Variants in ZNF385D observed in about 807,000 individuals in gnomAD.
ZNF385D encodes zinc finger protein 385D.
In ZNF385D, 15 loss-of-function variants were observed where a neutral mutation model predicts 35.8. The ratio of observed to expected loss-of-function variants is 0.42; its 90% CI spans 0.28 to 0.64. The LOEUF (loss-of-function observed/expected upper bound fraction) is 0.64. ZNF385D is among the 30% of genes least tolerant of loss of function. The probability of loss-of-function intolerance (pLI) is 0.23; values close to 1 mark genes in which losing one functional copy is unlikely to be tolerated. For synonymous variants in ZNF385D, 212 were observed against 186.8 expected (o/e 1.13, Z -1.10); for missense variants, 474 against 494.6 (o/e 0.96, Z 0.39).
chr3:21,543,699 C>T (rs1015248080), intron 3 of ZNF385D, among the ~76,000 whole-genome samples: 1 of 152,200 alleles, frequency 6.6e-6, no homozygotes, highest in Non-Finnish European at 1.5e-5. Flanking sequence ...TTTCTTTCCC[C>T]TTCTGTGTCC....
intron 3 of ZNF385D, among the ~76,000 whole-genome samples, chr3:22,078,166 T>C (rs531742230): frequency 7.9e-5 from 12 of 152,032 alleles, no homozygotes; most frequent in Non-Finnish European, 1.3e-4. Flanking sequence ...AAACTGGATA[T>C]GCAATGTTCA....
At chr3:21,771,768 T>C (rs1297424526) in intron 3 of ZNF385D, among the ~76,000 whole-genome samples, 3 of 151,732 alleles carry the variant, frequency 2.0e-5, no homozygotes, top group East Asian at 1.9e-4. Context: ...AGACCATAAA[T>C]AGCAAATACA....
chr3:21,865,439 A>G (rs73040507), intron 3 of ZNF385D, among the ~76,000 whole-genome samples: 10,611 of 152,160 alleles, frequency 0.07, 551 homozygotes, highest in East Asian at 0.21. Context: ...CCATATTATT[A>G]TTAAGGCATT....
chr3:21,661,767 C>T (rs1328489503), intron 2 of ZNF385D, among the ~76,000 whole-genome samples: 1 of 152,070 alleles, frequency 6.6e-6, no homozygotes, highest in Non-Finnish European at 1.5e-5. Context: ...TCCTGATAGT[C>T]TCATTGAATG....
chr3:22,096,176 G>C (rs548493177), intron 3 of ZNF385D, among the ~76,000 whole-genome samples: 1 of 151,996 alleles, frequency 6.6e-6, no homozygotes, highest in Non-Finnish European at 1.5e-5. Flanking sequence ...GGAGGGCAGG[G>C]AGAGAAGGAG....
chr3:21,494,780 G>T (rs1004796899), intron 4 of ZNF385D, among the ~76,000 whole-genome samples: 2 of 152,140 alleles, frequency 1.3e-5, no homozygotes, highest in African/African-American at 4.8e-5. Context: ...CTAGAGGACA[G>T]AAGCTACATC....
At chr3:21,773,475 A>G (rs2071161187) in intron 3 of ZNF385D, among the ~76,000 whole-genome samples, 2 of 152,148 alleles carry the variant, frequency 1.3e-5, no homozygotes, top group East Asian at 3.9e-4. Flanking sequence ...ATCAGAGTAA[A>G]CAGACAACCT....
intron 2 of ZNF385D, among the ~76,000 whole-genome samples, chr3:22,199,081 C>G (rs1002747445): frequency 1.3e-5 from 2 of 152,032 alleles, no homozygotes; most frequent in Non-Finnish European, 2.9e-5. Flanking sequence ...TCTTTTGTAA[C>G]TCTCAGAATC....
intron 2 of ZNF385D, among the ~76,000 whole-genome samples, chr3:22,326,244 CA>C (rs1039974652): frequency 6.6e-6 from 1 of 152,138 alleles, no homozygotes; most frequent in African/African-American, 2.4e-5. Flanking sequence ...CCATTGTAAT[CA>C]AAGTTGTTGT....
At chr3:22,068,957 A>G (rs1700099486) in intron 3 of ZNF385D, among the ~76,000 whole-genome samples, 1 of 152,156 alleles carries the variant, frequency 6.6e-6, no homozygotes, top group African/African-American at 2.4e-5. Flanking sequence ...ATGACATTAC[A>G]TATCCAGGTG....
chr3:21,446,954 T>C (rs7643842), intron 4 of ZNF385D, among the ~76,000 whole-genome samples: 33,184 of 152,002 alleles, frequency 0.22, 4,494 homozygotes, highest in African/African-American at 0.38. Flanking sequence ...AACTTTTCTC[T>C]CCCTAAATTA....
At position 21,465,927 on chromosome 3, in the gene ZNF385D, T is replaced by C. The variant is rs1016827600; in HGVS notation, c.440-28724A>G. Among the ~76,000 whole-genome samples the C allele has an allele frequency of 6.6e-6, 1 of 152,162 alleles. No homozygotes were observed. Among genetic ancestry groups the C allele is most frequent in the Non-Finnish European group, 1.5e-5 (1 of 68,020 alleles). Reference sequence around the variant, plus strand: ...CCGTGAGCACAAATAGAGATGCTCTTCTGCTGCATAAATGTGCTAGGCATC... The same window carrying C: ...CCGTGAGCACAAATAGAGATGCTCTCCTGCTGCATAAATGTGCTAGGCATC... On this transcript the variant is annotated intron_variant, in intron 4 of 7. Transcript: ENST00000281523. The surrounding 1 kb of genome is among the most constrained non-coding windows in gnomAD (Gnocchi z 4.2).
chr3:22,086,640 T>A (rs1208022570), intron 3 of ZNF385D, among the ~76,000 whole-genome samples: 1 of 152,070 alleles, frequency 6.6e-6, no homozygotes, highest in African/African-American at 2.4e-5. Flanking sequence ...TAATTTGTGT[T>A]TGTTGTGGCA....
intron 3 of ZNF385D, among the ~76,000 whole-genome samples, chr3:21,879,858 C>A (rs964457508): frequency 1.3e-5 from 2 of 151,898 alleles, no homozygotes; most frequent in Non-Finnish European, 1.5e-5. Flanking sequence ...AAAGCGTGGA[C>A]AGTCATACTT....
At chr3:21,933,029 A>C (rs1471143951) in intron 3 of ZNF385D, among the ~76,000 whole-genome samples, 1 of 152,140 alleles carries the variant, frequency 6.6e-6, no homozygotes, top group Admixed American at 6.6e-5. Flanking sequence ...TGAAGTTCTG[A>C]ACCCAAGAGA....
At position 21,416,776 on chromosome 3, in the gene ZNF385D, A is replaced by G. The variant is rs1700568125; in HGVS notation, c.*4438T>C. 6.6e-6 allele frequency: 1 copy of G among 152,162 alleles called. No individual in the cohort carries two copies. The highest frequency in any genetic ancestry group is 2.4e-5 in the African/African-American group (1 of 41,444). 9.4% of individuals were successfully genotyped at this position (152,162 alleles called of 1,614,324 possible). ...GGTCTTAATAAGGCAACCATTAGTT[A>G]AAATACATGCAAACGCAGGACAGAA... On this transcript the variant is annotated 3_prime_UTR_variant, in exon 8 of 8. Transcript: ENST00000281523.
chr3:21,670,671 C>CTGACTGAACGAAT (rs2066547595), intron 1 of ZNF385D, among the ~76,000 whole-genome samples: 1 of 22,040 alleles, frequency 4.5e-5, no homozygotes, highest in Admixed American at 4.2e-4. Flanking sequence ...CCCCCCCCCC[C>CTGACTGAACGAAT]CCAATGACTG....
At chr3:22,260,626 T>C (rs898101486) in intron 2 of ZNF385D, among the ~76,000 whole-genome samples, 2 of 152,016 alleles carry the variant, frequency 1.3e-5, no homozygotes, top group African/African-American at 4.8e-5. Flanking sequence ...AATTTCTACT[T>C]AATACTGTAC....
intron 4 of ZNF385D, among the ~76,000 whole-genome samples, chr3:21,507,212 C>G (rs550225510): frequency 6.6e-6 from 1 of 152,072 alleles, no homozygotes; most frequent in Admixed American, 6.6e-5. Flanking sequence ...TAGAGAAAAC[C>G]GCCAAATCAA....
Sources: allele counts gnomAD v4.1 joint callset (sites outside exome capture counted in the v4.1 genomes callset), GRCh38; gene constraint gnomAD v4.1.1; non-coding constraint Gnocchi (gnomAD v3.1); transcripts MANE v1.5; gene names NCBI Gene and HGNC (gene_info 2026-07-23, HGNC 2026-07-21).